Variants in CSMD1 observed in about 807,000 individuals in gnomAD.
CSMD1 encodes CUB and Sushi multiple domains 1.
Under a neutral mutation model 417.5 loss-of-function variants are expected in CSMD1, and 213 were observed. The observed-to-expected ratio is 0.51, with a 90% CI of 0.46 to 0.57. CSMD1 has a LOEUF of 0.57. Among genes scored for constraint, CSMD1 ranks in the 20% least tolerant of loss-of-function variants. CSMD1 has a pLI of 0.00. For synonymous variants in CSMD1, 2,862 were observed against 1,736.8 expected (o/e 1.65, Z -16.11); for missense variants, 6,923 against 4,529.7 (o/e 1.53, Z -15.17).
chr8:4,077,335 G>A (rs965770046), intron 3 of CSMD1, among the ~76,000 whole-genome samples: 5 of 119,810 alleles, frequency 4.2e-5, no homozygotes, highest in African/African-American at 1.8e-4. Context: ...TAGACATATA[G>A]ATTATATATA....
intron 27 of CSMD1, among the ~76,000 whole-genome samples, chr8:3,229,406 T>C (rs1798698359): frequency 6.6e-6 from 1 of 152,222 alleles, no homozygotes; most frequent in Non-Finnish European, 1.5e-5. Flanking sequence ...CTGCAATTAC[T>C]ATTTTACATA....
In CSMD1 at chr8:4,635,564, T is replaced by G. The variant is rs538164688; in HGVS notation, c.302+1778A>C. 2.9e-4 allele frequency among the ~76,000 whole-genome samples: 44 copies of G among 152,260 alleles called. No individual in the cohort carries two copies. The East Asian group carries it at 7.9e-3, about 27-fold the overall frequency. Reference sequence around the variant, plus strand: ...AGAGAGCATATTTTTAACAAGCATTTTTTAATGGAAAGGTAAAGTCATAAT... The same window carrying G: ...AGAGAGCATATTTTTAACAAGCATTGTTTAATGGAAAGGTAAAGTCATAAT... On this transcript the variant is annotated intron_variant, in intron 2 of 69. Coordinates refer to ENST00000635120, the MANE Select transcript of CSMD1 (RefSeq NM_033225.6).
intron 16 of CSMD1, among the ~76,000 whole-genome samples, chr8:3,398,826 C>T (rs751445933): frequency 3.9e-5 from 6 of 152,146 alleles, no homozygotes; most frequent in Non-Finnish European, 7.4e-5. Flanking sequence ...CAAATACCTA[C>T]GCAGCCCAGC....
chr8:4,056,397 C>CT lies in CSMD1; in HGVS notation c.416-24299dup, dbSNP rs938079564. 1.7e-3 allele frequency among the ~76,000 whole-genome samples: 238 copies of CT among 136,634 alleles called. 3 individuals carry two copies. Among genetic ancestry groups the CT allele is most frequent in the African/African-American group, 6.3e-3 (201 of 31,768 alleles). The allele number at this position is 136,634 out of a possible 152,430, so 89.6% of individuals were successfully genotyped here. On this transcript the variant is annotated intron_variant, in intron 3 of 69. Transcript: ENST00000635120. ...CATGCCCAGCCATATTGGTGAATTT[C>CT]TTTTTTTTTTCTTTTTTTTTTGTTT...
intron 12 of CSMD1, among the ~76,000 whole-genome samples, chr8:3,427,632 G>C (rs1421710306): frequency 2.0e-5 from 3 of 152,118 alleles, no homozygotes; most frequent in Non-Finnish European, 4.4e-5. Context: ...TGTTCATAGA[G>C]TGATCCCACA....
chr8:3,775,846 T>TA (rs796741809), intron 5 of CSMD1, among the ~76,000 whole-genome samples: 50 of 152,322 alleles, frequency 3.3e-4, no homozygotes, highest in African/African-American at 1.2e-3. Flanking sequence ...GCAGGGTTGT[T>TA]ACTGACCTAG....
At chr8:3,527,538 G>A (rs1261940170) in intron 10 of CSMD1, among the ~76,000 whole-genome samples, 1 of 152,022 alleles carries the variant, frequency 6.6e-6, no homozygotes, top group East Asian at 1.9e-4. Context: ...CTCGATTGTG[G>A]CCATGGTCAC....
chr8:3,261,875 C>T (rs370420689), intron 26 of CSMD1, among the ~76,000 whole-genome samples: 84 of 152,148 alleles, frequency 5.5e-4, no homozygotes, highest in African/African-American at 2.0e-3. Context: ...ATGGGTACGG[C>T]TATCAAAGAG....
chr8:3,357,478 A>C (rs571682478), intron 21 of CSMD1, among the ~76,000 whole-genome samples: 5 of 152,344 alleles, frequency 3.3e-5, no homozygotes, highest in Non-Finnish European at 7.3e-5. Context: ...TGTTTAATAA[A>C]TAGTACCTAT....
At chr8:4,350,614 G>A (rs971058594) in intron 3 of CSMD1, among the ~76,000 whole-genome samples, 5 of 152,136 alleles carry the variant, frequency 3.3e-5, no homozygotes, top group African/African-American at 1.2e-4. Context: ...GAACAAAACT[G>A]ACCTGGGCAA....
At chr8:3,307,010 C>T (rs984862608) in intron 25 of CSMD1, among the ~76,000 whole-genome samples, 2 of 142,574 alleles carry the variant, frequency 1.4e-5, no homozygotes, top group Admixed American at 1.4e-4. Flanking sequence ...CTTTCTTGGT[C>T]TACCTCAAAG....
At chr8:3,380,342 G>T (rs890599729) in intron 18 of CSMD1, among the ~76,000 whole-genome samples, 5 of 152,134 alleles carry the variant, frequency 3.3e-5, no homozygotes, top group African/African-American at 1.2e-4. Flanking sequence ...GATTCCTCAA[G>T]GATCTAGAAC....
At chr8:4,413,565 T>C (rs2128936055) in intron 3 of CSMD1, among the ~76,000 whole-genome samples, 2 of 152,292 alleles carry the variant, frequency 1.3e-5, no homozygotes, top group South Asian at 4.1e-4. Flanking sequence ...TTTAAAAAAT[T>C]ATTTTATCAT....
At chr8:3,587,459 G>GT (rs772306814) in intron 8 of CSMD1, among the ~76,000 whole-genome samples, 8 of 152,322 alleles carry the variant, frequency 5.3e-5, no homozygotes, top group South Asian at 2.1e-4. Context: ...AAGAAGCACA[G>GT]TTGTCAGTGT....
intron 7 of CSMD1, among the ~76,000 whole-genome samples, chr8:3,706,744 C>A (rs185430502): frequency 1.3e-3 from 196 of 152,014 alleles, no homozygotes; most frequent in African/African-American, 3.6e-3. Flanking sequence ...ATCATTTGTG[C>A]AGGGTTTTAT....
intron 5 of CSMD1, among the ~76,000 whole-genome samples, chr8:3,950,621 G>A (rs1393530266): frequency 1.3e-5 from 2 of 152,142 alleles, no homozygotes; most frequent in Non-Finnish European, 2.9e-5. Flanking sequence ...GGCTCAGCAG[G>A]AACGTGTTTG....
chr8:2,983,804 G>A (rs1805627188), intron 54 of CSMD1, among the ~76,000 whole-genome samples: 1 of 152,056 alleles, frequency 6.6e-6, no homozygotes, highest in African/African-American at 2.4e-5. Flanking sequence ...GTTCTTATGT[G>A]TGTTGATTTT....
chr8:4,033,965 T>C (rs1197484624), intron 3 of CSMD1, among the ~76,000 whole-genome samples: 4 of 152,196 alleles, frequency 2.6e-5, no homozygotes, highest in Admixed American at 2.0e-4. Context: ...CTATTTAGTA[T>C]TCAAGTAAGC....
intron 2 of CSMD1, among the ~76,000 whole-genome samples, chr8:4,523,959 C>T (rs532213772): frequency 6.6e-6 from 1 of 152,188 alleles, no homozygotes; most frequent in South Asian, 2.1e-4. Context: ...GGTGTTTCCC[C>T]AGCCAGCAGT....
Sources: allele counts gnomAD v4.1 joint callset (sites outside exome capture counted in the v4.1 genomes callset), GRCh38; gene constraint gnomAD v4.1.1; transcripts MANE v1.5; gene names NCBI Gene and HGNC (gene_info 2026-07-23, HGNC 2026-07-21).